Variants in GALNT17 observed in about 807,000 individuals in gnomAD.
GALNT17 encodes the protein polypeptide N-acetylgalactosaminyltransferase 17.
Under a neutral mutation model 63.7 loss-of-function variants are expected in GALNT17, and 29 were observed. The observed-to-expected ratio is 0.46, with a 90% CI of 0.34 to 0.62. The LOEUF is 0.62. Among genes scored for constraint, GALNT17 ranks in the 20% least tolerant of loss-of-function variants. The pLI, the probability that GALNT17 is intolerant of heterozygous loss-of-function variation, is 0.01. For missense variants in GALNT17, 603 were observed against 799.6 expected, an observed-to-expected ratio of 0.75 and a Z score of 2.97; for synonymous variants, 305 against 318.3, an observed-to-expected ratio of 0.96 and a Z score of 0.45.
rs147873804 is a variant in GALNT17 at position 71,537,215 on chromosome 7, G to C, written c.963-34070G>C. Among the ~76,000 whole-genome samples, 4 of 152,238 alleles carry C rather than the reference G, an allele frequency of 2.6e-5. 1 individual carries two copies. The East Asian group carries it at 7.7e-4, about 29-fold the overall frequency. On this transcript the variant is annotated intron_variant, in intron 5 of 10. Coordinates refer to ENST00000333538, the MANE Select transcript of GALNT17 (RefSeq NM_022479.3). Reference sequence around the variant, plus strand: ...TTTGCATTGTATATCATAGTCATTTGTTTATGCTATAGAGCCAACCATGAA... The same window carrying C: ...TTTGCATTGTATATCATAGTCATTTCTTTATGCTATAGAGCCAACCATGAA...
At chr7:71,347,918 C>A (rs1330717923) in intron 2 of GALNT17, among the ~76,000 whole-genome samples, 1 of 152,070 alleles carries the variant, frequency 6.6e-6, no homozygotes, top group Non-Finnish European at 1.5e-5. Context: ...TGTGTTTTTC[C>A]TCTTTTCATG....
intron 1 of GALNT17, among the ~76,000 whole-genome samples, chr7:71,183,938 T>C (rs1444241019): frequency 6.6e-6 from 1 of 151,966 alleles, no homozygotes; most frequent in African/African-American, 2.4e-5. Flanking sequence ...CAACCACATC[T>C]TCACTAAGAG....
chr7:71,263,619 T>A (rs982544783), intron 1 of GALNT17, among the ~76,000 whole-genome samples: 1 of 151,628 alleles, frequency 6.6e-6, no homozygotes, highest in Non-Finnish European at 1.5e-5. Flanking sequence ...CACCTGGAGG[T>A]CTTGTTAAAA....
chr7:71,444,090 C>T (rs1787117592), intron 5 of GALNT17, among the ~76,000 whole-genome samples: 1 of 152,192 alleles, frequency 6.6e-6, no homozygotes, highest in African/African-American at 2.4e-5. Context: ...TGGGCAGTGT[C>T]CCTGGCCTGG....
intron 1 of GALNT17, among the ~76,000 whole-genome samples, chr7:71,264,875 A>G (rs1048944566): frequency 1.2e-4 from 18 of 151,744 alleles, no homozygotes; most frequent in Non-Finnish European, 1.9e-4. Flanking sequence ...TAATGGGTGC[A>G]AAAATACAGT....
chr7:71,467,181 T>G (rs1787550618), intron 5 of GALNT17, among the ~76,000 whole-genome samples: 1 of 152,300 alleles, frequency 6.6e-6, no homozygotes, highest in Non-Finnish European at 1.5e-5. Flanking sequence ...TAGTTCCTCT[T>G]TCAAGTTATG....
intron 4 of GALNT17, among the ~76,000 whole-genome samples, chr7:71,419,141 CTT>C (rs1786612278): frequency 1.3e-5 from 2 of 152,306 alleles, no homozygotes; most frequent in South Asian, 4.1e-4. Context: ...CTCAGTGACT[CTT>C]TCGCTGCTGA....
intron 1 of GALNT17, among the ~76,000 whole-genome samples, chr7:71,138,936 C>T (rs1787836357): frequency 6.6e-6 from 1 of 152,166 alleles, no homozygotes; most frequent in South Asian, 2.1e-4. Flanking sequence ...GATTGCACCA[C>T]TGCACTCCAG....
chr7:71,693,200 T>A (rs1325177404), intron 9 of GALNT17, among the ~76,000 whole-genome samples: 1 of 135,382 alleles, frequency 7.4e-6, no homozygotes, highest in Non-Finnish European at 1.6e-5. Flanking sequence ...GTGTATATAG[T>A]GTGTGTATAT....
intron 6 of GALNT17, among the ~76,000 whole-genome samples, chr7:71,648,483 C>T (rs1394475879): frequency 6.6e-6 from 1 of 152,148 alleles, no homozygotes; most frequent in Non-Finnish European, 1.5e-5. Flanking sequence ...GTTATGTTGC[C>T]CAGGCTGGTC....
At chr7:71,158,180 C>A (rs1214001589) in intron 1 of GALNT17, among the ~76,000 whole-genome samples, 1 of 150,050 alleles carries the variant, frequency 6.7e-6, no homozygotes, top group Non-Finnish European at 1.5e-5. Flanking sequence ...GTAGTTAGTT[C>A]TATTTTTATT....
chr7:71,165,290 G>A (rs1350536042), intron 1 of GALNT17, among the ~76,000 whole-genome samples: 2 of 152,172 alleles, frequency 1.3e-5, no homozygotes, highest in Non-Finnish European at 2.9e-5. Context: ...TTCTGGCACT[G>A]CTACTTAGTT....
At chr7:71,413,373 A>AT (rs568007927) in intron 3 of GALNT17, among the ~76,000 whole-genome samples, 7 of 148,404 alleles carry the variant, frequency 4.7e-5, no homozygotes, top group East Asian at 3.9e-4. Context: ...TTTTTATTTT[A>AT]TTTTTTTTTT....
intron 5 of GALNT17, among the ~76,000 whole-genome samples, chr7:71,451,333 A>T (rs947338071): frequency 6.6e-6 from 1 of 152,168 alleles, no homozygotes; most frequent in Non-Finnish European, 1.5e-5. Flanking sequence ...TTCAGTGATT[A>T]GTCTATGCCA....
At chr7:71,276,101 A>C (rs1790676382) in intron 1 of GALNT17, among the ~76,000 whole-genome samples, 1 of 152,156 alleles carries the variant, frequency 6.6e-6, no homozygotes, top group African/African-American at 2.4e-5. Context: ...CTGAAGGCAG[A>C]GACATTATCT....
At chr7:71,705,500 T>G (rs2117122475) in intron 9 of GALNT17, among the ~76,000 whole-genome samples, 1 of 152,316 alleles carries the variant, frequency 6.6e-6, no homozygotes, top group East Asian at 1.9e-4. Context: ...GGCCCAAGGA[T>G]GAGTAATTCT....
chr7:71,246,236 A>G (rs953932383), intron 1 of GALNT17, among the ~76,000 whole-genome samples: 1 of 146,180 alleles, frequency 6.8e-6, no homozygotes, highest in African/African-American at 2.5e-5. Flanking sequence ...GTTCTCCTGC[A>G]TCAGCCTCCT....
chr7:71,261,844 T>C (rs1790390995), intron 1 of GALNT17, among the ~76,000 whole-genome samples: 1 of 152,208 alleles, frequency 6.6e-6, no homozygotes, highest in Non-Finnish European at 1.5e-5. Flanking sequence ...GTAGTTACTA[T>C]TATTATCTCA....
chr7:71,486,935 A>G (rs1787921193), intron 5 of GALNT17, among the ~76,000 whole-genome samples: 1 of 151,850 alleles, frequency 6.6e-6, no homozygotes, highest in Admixed American at 6.6e-5. Context: ...GCTCACAGCC[A>G]AGTTCCTCCC....
Sources: gnomAD v4.1 joint callset for allele counts (sites outside exome capture counted in the v4.1 genomes callset) on GRCh38, gnomAD v4.1.1 for gene constraint, MANE v1.5 for transcripts, NCBI Gene and HGNC (gene_info 2026-07-23, HGNC 2026-07-21) for gene names.